The following CTNND2 variants were observed in gnomAD, a reference collection of about 807,000 sequenced individuals.
The protein encoded by CTNND2 is catenin delta 2, also known as catenin delta-2.
In CTNND2, 22 loss-of-function variants were observed where a neutral mutation model predicts 144.4. The ratio of observed to expected loss-of-function variants is 0.15; its 90% confidence interval spans 0.11 to 0.22. CTNND2 has a LOEUF of 0.22. Ranked by LOEUF, CTNND2 falls within the 10% of genes least tolerant of loss-of-function variation. The pLI, the probability that CTNND2 is intolerant of heterozygous loss-of-function variation, is 1.00. For synonymous variants in CTNND2, 751 were observed against 695.6 expected, an observed-to-expected ratio of 1.08 and a Z score of -1.25; for missense variants, 1,353 against 1,618.8, an observed-to-expected ratio of 0.84 and a Z score of 2.82.
At chr5:11,192,083 C>G (rs1736319632) in intron 11 of CTNND2, among the ~76,000 whole-genome samples, 1 of 152,214 alleles carries the variant, frequency 6.6e-6, no homozygotes, top group Admixed American at 6.5e-5. Context: ...CATGATGCAC[C>G]TGGAGACAGG....
rs79098892 is a variant in CTNND2 at position 11,511,482 on chromosome 5, C to G, written c.287+53462G>C. Among the ~76,000 whole-genome samples, 1,056 of 152,266 alleles carry G rather than the reference C, an allele frequency of 6.9e-3. 13 individuals carry two copies. Among genetic ancestry groups the G allele is most frequent in the African/African-American group, 0.024 (1,007 of 41,556 alleles). On this transcript the variant is annotated intron_variant, in intron 3 of 21. Coordinates refer to ENST00000304623, the MANE Select transcript of CTNND2 (RefSeq NM_001332.4). ...TGAGTGGGGAGCCAGGACAAAAACC[C>G]AGGACCCCTCACATCGACCATTCCC...
chr5:11,596,770 T>G (rs1053386098), intron 2 of CTNND2, among the ~76,000 whole-genome samples: 39 of 152,122 alleles, frequency 2.6e-4, no homozygotes, highest in South Asian at 1.5e-3. Context: ...GCCTTGGAGG[T>G]GAGGGTTACA....
At chr5:11,033,139 C>G (rs544240759) in intron 16 of CTNND2, among the ~76,000 whole-genome samples, 1 of 152,084 alleles carries the variant, frequency 6.6e-6, no homozygotes, top group Non-Finnish European at 1.5e-5. Context: ...AAAAGTCACA[C>G]AGAAATATAG....
chr5:11,216,463 C>T (rs1231086512), intron 10 of CTNND2, among the ~76,000 whole-genome samples: 2 of 152,236 alleles, frequency 1.3e-5, no homozygotes, highest in Non-Finnish European at 2.9e-5. Context: ...ACAGACTCAA[C>T]CAGCCATTGC....
intron 12 of CTNND2, among the ~76,000 whole-genome samples, chr5:11,131,706 A>G (rs893993256): frequency 9.2e-5 from 14 of 152,024 alleles, no homozygotes; most frequent in African/African-American, 2.9e-4. Context: ...GGAGAATGGC[A>G]TGAACCCGGG....
intron 11 of CTNND2, among the ~76,000 whole-genome samples, chr5:11,184,718 G>A (rs1460315307): frequency 6.6e-6 from 1 of 152,116 alleles, no homozygotes; most frequent in African/African-American, 2.4e-5. Flanking sequence ...TCTCATCAAC[G>A]AGGACACAGC....
At chr5:11,031,397 G>A (rs1743461070) in intron 16 of CTNND2, among the ~76,000 whole-genome samples, 1 of 152,186 alleles carries the variant, frequency 6.6e-6, no homozygotes, top group African/African-American at 2.4e-5. Flanking sequence ...ACAGGGCTGA[G>A]GGGTGGGGGA....
intron 9 of CTNND2, among the ~76,000 whole-genome samples, chr5:11,277,508 T>TTATG (rs1275413762): frequency 0.013 from 1,146 of 88,290 alleles, 37 homozygotes; most frequent in Admixed American, 0.065. Flanking sequence ...AAATATTTAT[T>TTATG]TATTTATTTA....
intron 3 of CTNND2, among the ~76,000 whole-genome samples, chr5:11,522,066 A>AT (rs1052207843): frequency 1.3e-5 from 2 of 152,214 alleles, no homozygotes; most frequent in Admixed American, 1.3e-4. Flanking sequence ...ACAGTGCATG[A>AT]TTATTGGCTA....
chr5:11,768,915 T>C (rs1325552317), intron 1 of CTNND2, among the ~76,000 whole-genome samples: 2 of 152,142 alleles, frequency 1.3e-5, no homozygotes, highest in African/African-American at 4.8e-5. Flanking sequence ...TTTATTTCTG[T>C]AGGTAAGAGC....
chr5:11,900,129 A>G lies in CTNND2; in HGVS notation c.37+3688T>C, dbSNP rs61761570. On this transcript the variant is annotated intron_variant, in intron 1 of 21. Transcript: ENST00000304623. ...TTTTGCACGTAATGTGCCAAGAGAG[A>G]CAGGTGAATATTTATCTAAGATAGA... Among the ~76,000 whole-genome samples the G allele has an allele frequency of 4.9e-3, 751 of 152,294 alleles. 8 individuals carry two copies. The highest frequency in any genetic ancestry group is 0.015 in the African/African-American group (636 of 41,552).
chr5:11,271,738 A>G (rs887591662), intron 9 of CTNND2, among the ~76,000 whole-genome samples: 13 of 152,192 alleles, frequency 8.5e-5, no homozygotes, highest in East Asian at 1.9e-4. Context: ...TTTGGCTCCA[A>G]TTACCAAGTG....
chr5:11,558,218 C>T (rs1561553945), intron 3 of CTNND2, among the ~76,000 whole-genome samples: 2 of 152,088 alleles, frequency 1.3e-5, no homozygotes, highest in African/African-American at 4.8e-5. Context: ...TGGCAGGTAC[C>T]ATCTTGGTGC....
chr5:11,497,166 T>C (rs942086478), intron 3 of CTNND2, among the ~76,000 whole-genome samples: 2 of 151,818 alleles, frequency 1.3e-5, no homozygotes, highest in African/African-American at 2.4e-5. Flanking sequence ...ATTCATTCCA[T>C]TTGAACAGAG....
chr5:11,448,162 T>C (rs796974103), intron 3 of CTNND2, among the ~76,000 whole-genome samples: 13 of 152,324 alleles, frequency 8.5e-5, no homozygotes, highest in African/African-American at 2.6e-4. Flanking sequence ...TGCTGTTCAA[T>C]TGTTACTGCT....
chr5:11,328,412 G>A (rs1461311231), intron 9 of CTNND2, among the ~76,000 whole-genome samples: 1 of 151,738 alleles, frequency 6.6e-6, no homozygotes, highest in African/African-American at 2.4e-5. Context: ...TCCTACCTCG[G>A]CCTCTGGAGT....
intron 13 of CTNND2, among the ~76,000 whole-genome samples, chr5:11,114,314 GAGCTGC>G (rs958720652): frequency 2.9e-4 from 44 of 151,988 alleles, no homozygotes; most frequent in African/African-American, 9.7e-4. Context: ...CTTTATAATC[GAGCTGC>G]AGCTGGGGAG....
chr5:11,523,843 A>G (rs561428633), intron 3 of CTNND2, among the ~76,000 whole-genome samples: 14 of 152,040 alleles, frequency 9.2e-5, no homozygotes, highest in African/African-American at 3.4e-4. Context: ...GGCTTACAAC[A>G]ATGAGCCCAT....
intron 11 of CTNND2, among the ~76,000 whole-genome samples, chr5:11,196,866 C>G (rs1198051635): frequency 6.6e-6 from 1 of 152,246 alleles, no homozygotes; most frequent in Non-Finnish European, 1.5e-5. Flanking sequence ...GCTTGGTCAA[C>G]AGAATCCAAG....
Sources: allele counts gnomAD v4.1 joint callset (sites outside exome capture counted in the v4.1 genomes callset), GRCh38; gene constraint gnomAD v4.1.1; transcripts MANE v1.5; gene names NCBI Gene and HGNC (gene_info 2026-07-23, HGNC 2026-07-21).